ADGRL3: variants seen among roughly 807,000 people sequenced by gnomAD.
The protein encoded by ADGRL3 is adhesion G protein-coupled receptor L3, also known as calcium-independent alpha-latrotoxin receptor 3.
ADGRL3 carries 62 observed loss-of-function variants against 153.5 expected under a neutral mutation model. The observed-to-expected ratio is 0.40, with a 90% CI of 0.33 to 0.50. The LOEUF is 0.50. Among genes scored for constraint, ADGRL3 ranks in the 20% least tolerant of loss-of-function variants. The pLI, the probability that ADGRL3 is intolerant of heterozygous loss-of-function variation, is 0.47. For synonymous variants in ADGRL3, 710 were observed against 672.5 expected (o/e 1.06, Z -0.86); for missense variants, 1,641 against 1,859.4 (o/e 0.88, Z 2.16).
At chr4:61,474,996 A>C (rs1278891017) in intron 2 of ADGRL3, among the ~76,000 whole-genome samples, 12 of 152,130 alleles carry the variant, frequency 7.9e-5, no homozygotes, top group Admixed American at 7.9e-4. Flanking sequence ...TCTCTCACCA[A>C]AGAATGTGTG....
chr4:61,292,032 A>G (rs1473111218), intron 1 of ADGRL3, among the ~76,000 whole-genome samples: 1 of 151,504 alleles, frequency 6.6e-6, no homozygotes, highest in Admixed American at 6.6e-5. Context: ...AGGAGAAAAT[A>G]TTCCACATAT....
intron 21 of ADGRL3, among the ~76,000 whole-genome samples, chr4:62,000,782 T>G (rs1252768100): frequency 1.3e-5 from 2 of 152,040 alleles, no homozygotes; most frequent in East Asian, 3.9e-4. Context: ...AATTTTTATT[T>G]ATTTATTTTT....
chr4:61,324,858 T>G (rs992964015), intron 1 of ADGRL3, among the ~76,000 whole-genome samples: 1 of 152,206 alleles, frequency 6.6e-6, no homozygotes, highest in Non-Finnish European at 1.5e-5. Flanking sequence ...AGTACTTACA[T>G]TGGCATGGAA....
intron 4 of ADGRL3, among the ~76,000 whole-genome samples, chr4:61,540,749 T>C (rs1439367683): frequency 6.6e-6 from 1 of 152,184 alleles, no homozygotes; most frequent in Non-Finnish European, 1.5e-5. Flanking sequence ...TGAAGTTTAA[T>C]GTAAATTTAA....
chr4:61,455,167 A>G (rs933151786), intron 2 of ADGRL3, among the ~76,000 whole-genome samples: 18 of 152,186 alleles, frequency 1.2e-4, no homozygotes, highest in African/African-American at 3.9e-4. Flanking sequence ...TGGATTTGGA[A>G]CACTTCAAAG....
intron 4 of ADGRL3, among the ~76,000 whole-genome samples, chr4:61,564,079 G>A (rs2098806681): frequency 6.6e-6 from 1 of 152,088 alleles, no homozygotes; most frequent in Admixed American, 6.6e-5. Context: ...TTCTTCTGCA[G>A]CTTCCTCACC....
At chr4:62,014,686 A>G in intron 21 of ADGRL3, among the ~76,000 whole-genome samples, 1 of 152,190 alleles carries the variant, frequency 6.6e-6, no homozygotes, top group Non-Finnish European at 1.5e-5. Flanking sequence ...ATAAATCTTG[A>G]GAATCATGGC....
intron 13 of ADGRL3, among the ~76,000 whole-genome samples, chr4:61,927,986 A>G (rs901756395): frequency 4.6e-5 from 7 of 151,538 alleles, no homozygotes; most frequent in Non-Finnish European, 2.9e-5. Flanking sequence ...TCCTTAATAT[A>G]TCCTGATATT....
Position 61,919,582 on chromosome 4 carries a change from G to A in ADGRL3, c.2112+6825G>A, listed in dbSNP as rs115294176. ...TTTCTATAAGTTGTAGACATTAAAC[G>A]CTACTACATACAAAGCAATCATTGA... On this transcript the variant is annotated intron_variant, in intron 13 of 26. Coordinates refer to ENST00000683033, the MANE Select transcript of ADGRL3 (RefSeq NM_001387552.1). Among the ~76,000 whole-genome samples, 1,060 of 152,184 alleles carry A rather than the reference G, an allele frequency of 7.0e-3. 6 individuals carry two copies. Among genetic ancestry groups the A allele is most frequent in the Non-Finnish European group, 0.01 (707 of 67,998 alleles).
At chr4:61,769,016 G>A (rs1240001151) in intron 8 of ADGRL3, among the ~76,000 whole-genome samples, 6 of 149,492 alleles carry the variant, frequency 4.0e-5, no homozygotes, top group East Asian at 3.9e-4. Context: ...CTAGGAAAGC[G>A]GGACTTGCCG....
At chr4:61,839,702 G>T (rs537849921) in intron 9 of ADGRL3, among the ~76,000 whole-genome samples, 1 of 151,998 alleles carries the variant, frequency 6.6e-6, no homozygotes, top group South Asian at 2.1e-4. Context: ...GGTAGGCCAA[G>T]GTGGGTGGAT....
chr4:62,050,614 AAAAT>A (rs1733580123), intron 25 of ADGRL3, among the ~76,000 whole-genome samples: 1 of 152,100 alleles, frequency 6.6e-6, no homozygotes, highest in Admixed American at 6.6e-5. Flanking sequence ...GCAAATGAAA[AAAAT>A]CTAAGTGATG....
At chr4:61,579,651 A>G (rs747536866) in intron 4 of ADGRL3, 1 of 487,692 alleles carries the variant, frequency 2.1e-6, no homozygotes, top group Non-Finnish European at 4.0e-6. Flanking sequence ...TTGTTTGATG[A>G]TGTACCACTC....
At chr4:61,738,481 T>C (rs2096544877) in intron 8 of ADGRL3, among the ~76,000 whole-genome samples, 1 of 152,200 alleles carries the variant, frequency 6.6e-6, no homozygotes, top group Non-Finnish European at 1.5e-5. Flanking sequence ...CTTTTAGTTC[T>C]TTAAGGAATC....
At chr4:61,562,369 G>A (rs1180988912) in intron 4 of ADGRL3, among the ~76,000 whole-genome samples, 1 of 152,108 alleles carries the variant, frequency 6.6e-6, no homozygotes, top group East Asian at 1.9e-4. Flanking sequence ...TTGTTATATG[G>A]ATTGACTCTC....
At chr4:61,707,692 A>G (rs952177610) in intron 6 of ADGRL3, among the ~76,000 whole-genome samples, 6 of 152,190 alleles carry the variant, frequency 3.9e-5, no homozygotes, top group Non-Finnish European at 7.3e-5. Flanking sequence ...GTAAGTGTAT[A>G]GAGATTAAGC....
chr4:61,426,967 G>A (rs1192470118), intron 2 of ADGRL3: 1 of 152,178 alleles, frequency 6.6e-6, no homozygotes, highest in Non-Finnish European at 1.5e-5. Flanking sequence ...TGGCCCCTGT[G>A]GAAGGGGTAC....
At chr4:61,850,785 A>G (rs767353332) in intron 9 of ADGRL3, among the ~76,000 whole-genome samples, 11 of 152,196 alleles carry the variant, frequency 7.2e-5, no homozygotes, top group Non-Finnish European at 1.3e-4. Context: ...TAGAGATGAA[A>G]AATATAAAAT....
intron 9 of ADGRL3, among the ~76,000 whole-genome samples, chr4:61,849,573 T>C (rs1192596904): frequency 2.6e-5 from 4 of 152,066 alleles, no homozygotes; most frequent in Admixed American, 6.6e-5. Flanking sequence ...TCTATGTAAC[T>C]CTATTAAACA....
Sources: gnomAD v4.1 joint callset for allele counts (sites outside exome capture counted in the v4.1 genomes callset) on GRCh38, gnomAD v4.1.1 for gene constraint, MANE v1.5 for transcripts, NCBI Gene and HGNC (gene_info 2026-07-23, HGNC 2026-07-21) for gene names.